NRP1: variants seen among roughly 807,000 people sequenced by gnomAD.
The protein encoded by NRP1 is neuropilin 1, also known as neuropilin-1.
NRP1 carries 35 observed loss-of-function variants against 106.7 expected under a neutral mutation model. That is an observed-to-expected ratio of 0.33 (90% CI 0.25 to 0.43). The LOEUF is 0.43. Among genes scored for constraint, NRP1 ranks in the 20% least tolerant of loss-of-function variants. The pLI is 1.00. For synonymous variants in NRP1, 437 were observed against 417.9 expected, an observed-to-expected ratio of 1.05 and a Z score of -0.56; for missense variants, 1,024 against 1,170.4, an observed-to-expected ratio of 0.87 and a Z score of 1.83.
rs77960799 is a variant in NRP1, at chr10:33,328,689, C to G, written c.248+2019G>C. Among the ~76,000 whole-genome samples the G allele has an allele frequency of 2.4e-3, 366 of 152,248 alleles. 1 individual carries two copies. Among genetic ancestry groups the G allele is most frequent in the African/African-American group, 8.2e-3 (341 of 41,550 alleles). On this transcript the variant is annotated intron_variant, in intron 2 of 16. Transcript: ENST00000374867. Reference sequence around the variant, plus strand: ...GCACATTTCTTTGCTAGTCTGGGCACAGTGACATCACATGGTTAGTTTGAA... The same window carrying G: ...GCACATTTCTTTGCTAGTCTGGGCAGAGTGACATCACATGGTTAGTTTGAA...
chr10:33,221,606 AT>A, intron 8 of NRP1, 112 bp downstream of exon 8: 1 of 1,191,334 alleles, frequency 8.4e-7, no homozygotes, highest in Non-Finnish European at 1.2e-6. Context: ...TAATTGTCAA[AT>A]AAAAATGATT....
chr10:33,307,375 G>GC (rs773819570), intron 2 of NRP1, among the ~76,000 whole-genome samples: 16 of 152,114 alleles, frequency 1.1e-4, no homozygotes, highest in Non-Finnish European at 1.6e-4. Context: ...TGACGGACGA[G>GC]CTGAACAGTT....
At chr10:33,251,995 T>C (rs1285692100) in intron 6 of NRP1, among the ~76,000 whole-genome samples, 3 of 152,090 alleles carry the variant, frequency 2.0e-5, no homozygotes, top group Non-Finnish European at 4.4e-5. Flanking sequence ...CCCGCCTAAA[T>C]GTTGCATTTT....
At chr10:33,282,419 T>C (rs1247877679) in intron 2 of NRP1, among the ~76,000 whole-genome samples, 1 of 152,228 alleles carries the variant, frequency 6.6e-6, no homozygotes, top group African/African-American at 2.4e-5. Context: ...ATGTGCTAAT[T>C]TAAAGATATT....
intron 8 of NRP1, among the ~76,000 whole-genome samples, chr10:33,220,545 A>C (rs547923720): frequency 1.3e-5 from 2 of 152,296 alleles, no homozygotes; most frequent in South Asian, 4.1e-4. Flanking sequence ...ACTAAAATGG[A>C]AAGGAATTCT....
intron 2 of NRP1, among the ~76,000 whole-genome samples, chr10:33,293,380 A>G (rs535711325): frequency 5.3e-5 from 8 of 152,306 alleles, no homozygotes; most frequent in South Asian, 2.1e-4. Context: ...GGACTGTTGC[A>G]TCTTTATAAT....
Position 33,289,911 on chromosome 10 carries a change from C to T in NRP1, c.249-19055G>A, listed in dbSNP as rs141408673. 5.5e-3 allele frequency among the ~76,000 whole-genome samples: 833 copies of T among 152,348 alleles called. 10 individuals are homozygous for T. The highest frequency in any genetic ancestry group is 0.019 in the African/African-American group (787 of 41,576). ...TATCTGCGGAGGCCAGCATTTTAGA[C>T]AGACTACTTGTTCCTTCATTTGAAT... On this transcript the variant is annotated intron_variant, in intron 2 of 16. Transcript: ENST00000374867.
intron 2 of NRP1, among the ~76,000 whole-genome samples, chr10:33,313,014 T>G (rs925311358): frequency 1.4e-4 from 22 of 152,214 alleles, no homozygotes; most frequent in African/African-American, 5.3e-4. Context: ...ATGGAATTTC[T>G]ACTGACTGTG....
intron 12 of NRP1, among the ~76,000 whole-genome samples, chr10:33,196,836 A>C: frequency 6.6e-6 from 1 of 152,216 alleles, no homozygotes; most frequent in South Asian, 2.1e-4. Flanking sequence ...CGCCCCATTA[A>C]TAAATGACTG....
intron 13 of NRP1, among the ~76,000 whole-genome samples, chr10:33,187,164 C>G (rs577118917): frequency 6.6e-6 from 1 of 151,786 alleles, no homozygotes; most frequent in African/African-American, 2.4e-5. Flanking sequence ...TGATCCACCA[C>G]GCTGGGCCCA....
intron 3 of NRP1, among the ~76,000 whole-genome samples, chr10:33,265,952 A>C (rs1842889799): frequency 6.6e-6 from 1 of 152,188 alleles, no homozygotes. Context: ...ATATACATAC[A>C]TGATATTGGG....
In NRP1 at chr10:33,221,745, A is replaced by G; in HGVS notation, c.1256T>C (p.Phe419Ser). 6.2e-7 allele frequency: 1 copy of G among 1,614,108 alleles called. No individual in the cohort carries two copies. The highest frequency in any genetic ancestry group is 1.1e-5 in the South Asian group (1 of 91,074). Residue 419 changes from phenylalanine (F) to serine (S), a missense_variant, in exon 8 of 17, where the codon TTT (phenylalanine) becomes TCT (serine). By Grantham distance (155) the Phe-to-Ser change is radical (BLOSUM62 -2). This residue lies in a region of NRP1 where 562 missense variants were observed against 620.3 expected (regional missense o/e 0.91). Coordinates refer to ENST00000374867, the MANE Select transcript of NRP1 (RefSeq NM_003873.7). ...TGTTATCTTGCAACCGTATACTTCA[A>G]ATCTCATAGATATGCCAGTTTCCCA... ...ATWETGISMRFEVYGCKITDY... is the reference protein window; with the variant it reads ...ATWETGISMRSEVYGCKITDY...
chr10:33,257,049 A>G (rs555741928), intron 4 of NRP1, among the ~76,000 whole-genome samples: 2 of 152,334 alleles, frequency 1.3e-5, no homozygotes, highest in South Asian at 2.1e-4. Context: ...ACAAAGGACA[A>G]TGGATTATGT....
intron 7 of NRP1, among the ~76,000 whole-genome samples, chr10:33,223,150 G>C (rs894657565): frequency 2.0e-5 from 3 of 152,144 alleles, no homozygotes; most frequent in African/African-American, 7.2e-5. Flanking sequence ...GAGCATCACG[G>C]GGCTCACTCG....
intron 2 of NRP1, 110 bp downstream of exon 2, chr10:33,330,598 C>T (rs2132968939): frequency 3.8e-6 from 3 of 795,984 alleles, no homozygotes; most frequent in African/African-American, 1.8e-5. Flanking sequence ...GATTGGAATC[C>T]CTCCTGGATC....
rs764409827 is a variant in NRP1, at chr10:33,185,649, T to G, written c.2410A>C (p.Ile804Leu). The G allele has an allele frequency of 6.2e-7, 1 of 1,614,014 alleles. No individual in the cohort carries two copies. Among genetic ancestry groups the G allele is most frequent in the South Asian group, 1.1e-5 (1 of 91,046 alleles). The change falls in exon 15 of 17, where the codon ATT becomes CTT. Residue 804 changes from isoleucine (I) to leucine (L), a missense_variant. Ile to Leu is a conservative substitution (Grantham distance 5). Transcript: ENST00000374867. The part of the protein sequence containing the change: ...AVDDISINNH[I>L]SQEDCAKPAD... ...TTACTTGCACAATCTTCTTGTGAAA[T>G]GTGGTTATTAATACTAATGTCATCC...
At chr10:33,304,428 A>C (rs1255874198) in intron 2 of NRP1, among the ~76,000 whole-genome samples, 1 of 152,168 alleles carries the variant, frequency 6.6e-6, no homozygotes, top group East Asian at 1.9e-4. Flanking sequence ...CCTGTTCTAT[A>C]AGACCCTTCT....
chr10:33,237,652 C>CA (rs1177079624), intron 6 of NRP1, among the ~76,000 whole-genome samples: 32 of 143,952 alleles, frequency 2.2e-4, no homozygotes, highest in Admixed American at 1.2e-3. Context: ...GATCTCAGCT[C>CA]ACTGCAACCT....
At chr10:33,311,572 G>A (rs1026021900) in intron 2 of NRP1, among the ~76,000 whole-genome samples, 2 of 152,206 alleles carry the variant, frequency 1.3e-5, no homozygotes, top group East Asian at 1.9e-4. Flanking sequence ...CACAGTGATC[G>A]GCACATACTG....
Sources: gnomAD v4.1 joint callset for allele counts (sites outside exome capture counted in the v4.1 genomes callset) on GRCh38, gnomAD v4.1.1 for gene constraint, gnomAD v4.1.1 regional missense constraint, MANE v1.5 for transcripts, NCBI Gene and HGNC (gene_info 2026-07-23, HGNC 2026-07-21) for gene names.